Variants in AGPAT4 observed in about 807,000 individuals in gnomAD.
AGPAT4 encodes 1-acyl-sn-glycerol-3-phosphate acyltransferase delta.
AGPAT4 carries 15 observed loss-of-function variants against 48.0 expected under a neutral mutation model. The ratio of observed to expected loss-of-function variants is 0.31; its 90% CI spans 0.21 to 0.48. AGPAT4 has a LOEUF of 0.48. Among genes scored for constraint, AGPAT4 ranks in the 20% least tolerant of loss-of-function variants. The pLI, the probability that AGPAT4 is intolerant of heterozygous loss-of-function variation, is 0.99. For missense variants in AGPAT4, 314 were observed against 482.5 expected, an observed-to-expected ratio of 0.65 and a Z score of 3.27; for synonymous variants, 178 against 198.7, an observed-to-expected ratio of 0.90 and a Z score of 0.88.
At position 161,201,821 on chromosome 6, in the gene AGPAT4, C is replaced by T. The variant is rs1276583889; in HGVS notation, c.178+30215G>A. On this transcript the variant is annotated intron_variant, in intron 2 of 8. Transcript: ENST00000320285. The surrounding 1 kb of genome is among the most constrained non-coding windows in gnomAD (Gnocchi z 6.0). ...CTCTAACCAGTGCAAGAGGAAGTCC[C>T]ATTTCACAGACAATTAACTGTACTT... Among the ~76,000 whole-genome samples, 5 of 152,230 alleles carry T rather than the reference C, an allele frequency of 3.3e-5. No homozygotes were observed. The highest frequency in any genetic ancestry group is 5.9e-5 in the Non-Finnish European group (4 of 68,038).
At chr6:161,156,124 G>C (rs1779761461) in intron 3 of AGPAT4, among the ~76,000 whole-genome samples, 1 of 152,220 alleles carries the variant, frequency 6.6e-6, no homozygotes, top group African/African-American at 2.4e-5. Context: ...CCTGGGATGG[G>C]AGTCTCTATC....
chr6:161,189,519 C>T lies in AGPAT4; in HGVS notation c.179-23102G>A, dbSNP rs1033451488. On this transcript the variant is annotated intron_variant, in intron 2 of 8. Transcript: ENST00000320285. The surrounding 1 kb of genome is among the most constrained non-coding windows in gnomAD (Gnocchi z 5.3). ...TCACTTACTTACAACCTTAGTTGCCCGTCAGGACTATCCCTCCTCTGCACA... is the reference window on the plus strand; with the variant it reads ...TCACTTACTTACAACCTTAGTTGCCTGTCAGGACTATCCCTCCTCTGCACA... Among the ~76,000 whole-genome samples the T allele has an allele frequency of 7.9e-5, 12 of 152,200 alleles. No homozygotes were observed. The East Asian group carries it at 1.5e-3, about 20-fold the overall frequency.
At chr6:161,230,309 G>A (rs1051653059) in intron 2 of AGPAT4, among the ~76,000 whole-genome samples, 2 of 152,166 alleles carry the variant, frequency 1.3e-5, no homozygotes, top group African/African-American at 2.4e-5. Context: ...TAGGGGTTAT[G>A]ACAGTAGAAA....
intron 2 of AGPAT4, among the ~76,000 whole-genome samples, chr6:161,190,612 A>G (rs1288928992): frequency 6.6e-6 from 1 of 151,006 alleles, no homozygotes; most frequent in Non-Finnish European, 1.5e-5. Flanking sequence ...AAAGATCCTT[A>G]GACCTTAAGA....
chr6:161,273,761 G>T (rs1312925262), intron 1 of AGPAT4, among the ~76,000 whole-genome samples, 177 bp downstream of exon 1: 1 of 148,132 alleles, frequency 6.8e-6, no homozygotes, highest in Non-Finnish European at 1.5e-5. Context: ...CCCTCCAGGC[G>T]CCCCCTGCAC....
In AGPAT4 at chr6:161,262,836, G is replaced by A. The variant is rs912755132; in HGVS notation, c.-90+11102C>T. 7.9e-5 allele frequency among the ~76,000 whole-genome samples: 12 copies of A among 152,166 alleles called. No homozygotes were observed. The highest frequency in any genetic ancestry group is 6.5e-4 in the Admixed American group (10 of 15,284). On this transcript the variant is annotated intron_variant, in intron 1 of 8. Coordinates refer to ENST00000320285, the MANE Select transcript of AGPAT4 (RefSeq NM_020133.3). This position sits in a 1 kb window ranked among gnomAD's most constrained non-coding sequence, Gnocchi z 4.9. ...GAAAAAAACCTCTAGGAGAACATGA[G>A]GATAACGTCATAAACAGTGCTGATG...
intron 2 of AGPAT4, among the ~76,000 whole-genome samples, chr6:161,181,922 A>C (rs1247770972): frequency 2.0e-5 from 3 of 152,138 alleles, no homozygotes; most frequent in Non-Finnish European, 4.4e-5. Context: ...TTACTCTTTT[A>C]TGTGTAAAGC....
Position 161,197,400 on chromosome 6 carries a change from T to C in AGPAT4, c.179-30983A>G, listed in dbSNP as rs1280866106. On this transcript the variant is annotated intron_variant, in intron 2 of 8. Transcript: ENST00000320285. The surrounding 1 kb of genome is among the most constrained non-coding windows in gnomAD (Gnocchi z 5.7). ...TTATTTCTTAACATGTTATTCCATG[T>C]GGTCATGGTAAATATTTTCAACATC... Among the ~76,000 whole-genome samples, 5 of 152,170 alleles carry C rather than the reference T, an allele frequency of 3.3e-5. No individual in the cohort carries two copies. The highest frequency in any genetic ancestry group is 7.3e-5 in the Non-Finnish European group (5 of 68,028).
rs978942658 is a variant in AGPAT4, at chr6:161,272,462, G to A, written c.-90+1476C>T. On this transcript the variant is annotated intron_variant, in intron 1 of 8. Coordinates refer to ENST00000320285, the MANE Select transcript of AGPAT4 (RefSeq NM_020133.3). This position sits in a 1 kb window ranked among gnomAD's most constrained non-coding sequence, Gnocchi z 4.2. The stretch of plus-strand genomic sequence containing the variant: ...TCCCTTATCAAACGCTTCCTTAGAC[G>A]TACTGAATAAAAGCATCAGTTTAGC... Among the ~76,000 whole-genome samples, 9 of 152,034 alleles carry A rather than the reference G, an allele frequency of 5.9e-5. No homozygotes were observed. The highest frequency in any genetic ancestry group is 2.1e-4 in the South Asian group (1 of 4,818).
chr6:161,239,754 T>C (rs1365091942), intron 1 of AGPAT4, among the ~76,000 whole-genome samples: 11 of 152,244 alleles, frequency 7.2e-5, no homozygotes, highest in Non-Finnish European at 1.5e-5. Context: ...CTTTTTGTTT[T>C]TAATGATAAT....
chr6:161,161,701 C>A lies in AGPAT4; in HGVS notation c.348+4547G>T, dbSNP rs1779940895. The A allele has an allele frequency of 1.4e-5, 5 of 344,954 alleles. No homozygotes were observed. Among genetic ancestry groups the A allele is most frequent in the South Asian group, 1.1e-4 (5 of 45,112 alleles). The allele number at this position is 344,954 out of a possible 1,614,324, so 21.4% of individuals were successfully genotyped here. ...TGACAAGTGCATGTGTATGAAGAAG[C>A]TGGGGTAAAGGCGGTGAAATAATGC... On this transcript the variant is annotated intron_variant, in intron 3 of 8. Transcript: ENST00000320285. The surrounding 1 kb of genome is among the most constrained non-coding windows in gnomAD (Gnocchi z 4.6).
chr6:161,247,118 T>C (rs1234632535), intron 1 of AGPAT4, among the ~76,000 whole-genome samples: 1 of 152,222 alleles, frequency 6.6e-6, no homozygotes, highest in East Asian at 1.9e-4. Context: ...ATTACTCAAA[T>C]AAAAGCAAAT....
intron 2 of AGPAT4, among the ~76,000 whole-genome samples, chr6:161,168,445 C>T (rs7754843): frequency 0.28 from 42,829 of 151,856 alleles, 6,758 homozygotes; most frequent in African/African-American, 0.42. Context: ...CCCTACCCCA[C>T]TCACATGTTC....
intron 2 of AGPAT4, among the ~76,000 whole-genome samples, chr6:161,170,469 GCGCGCACACACACACACA>G (rs1472744493): frequency 4.1e-4 from 50 of 121,554 alleles, no homozygotes; most frequent in African/African-American, 1.4e-3. Flanking sequence ...ACACGTGCGC[GCGCGCACACACACACACA>G]CACACACACA....
rs181400054 is a variant in AGPAT4, at chr6:161,229,673, A to T, written c.178+2363T>A. On this transcript the variant is annotated intron_variant, in intron 2 of 8. Transcript: ENST00000320285. The surrounding 1 kb of genome is among the most constrained non-coding windows in gnomAD (Gnocchi z 6.0). ...GGCTTATCACCATGAGGTGCCCACG[A>T]GCCACCCAGGATCATCACCCTCCCT... is the stretch of plus-strand genomic sequence containing the variant. Among the ~76,000 whole-genome samples the T allele has an allele frequency of 1.3e-5, 2 of 152,222 alleles. No homozygotes were observed. Among genetic ancestry groups the T allele is most frequent in the Admixed American group, 1.3e-4 (2 of 15,286 alleles).
chr6:161,144,382 G>A lies in AGPAT4; in HGVS notation c.843+2142C>T, dbSNP rs1335143902. 1 of 351,740 alleles carries A rather than the reference G, an allele frequency of 2.8e-6. No individual in the cohort carries two copies. Among genetic ancestry groups the A allele is most frequent in the Non-Finnish European group, 5.7e-6 (1 of 175,810 alleles). The allele number at this position is 351,740 out of a possible 1,614,324, so 21.8% of individuals were successfully genotyped here. On this transcript the variant is annotated intron_variant, in intron 7 of 8. Coordinates refer to ENST00000320285, the MANE Select transcript of AGPAT4 (RefSeq NM_020133.3). The surrounding 1 kb of genome is among the most constrained non-coding windows in gnomAD (Gnocchi z 6.6). ...GAATTTCCTCATCAGTAGTGTAAGA[G>A]CTTTGGAGTAGATGATCACTTTGAG...
In AGPAT4 at chr6:161,206,077, A is replaced by C. The variant is rs919407383; in HGVS notation, c.178+25959T>G. Among the ~76,000 whole-genome samples, 7 of 152,128 alleles carry C rather than the reference A, an allele frequency of 4.6e-5. No homozygotes were observed. The highest frequency in any genetic ancestry group is 1.7e-4 in the African/African-American group (7 of 41,410). On this transcript the variant is annotated intron_variant, in intron 2 of 8. Coordinates refer to ENST00000320285, the MANE Select transcript of AGPAT4 (RefSeq NM_020133.3). This position sits in a 1 kb window ranked among gnomAD's most constrained non-coding sequence, Gnocchi z 4.8. ...TTTCAAGCCCGTGCGATGTAGACAA[A>C]AAAAGCCCCAAGAAAAGCCTGCTCC...
At chr6:161,253,134 A>G (rs1582911271) in intron 1 of AGPAT4, among the ~76,000 whole-genome samples, 1 of 143,204 alleles carries the variant, frequency 7.0e-6, no homozygotes. Flanking sequence ...AATCTCTTGA[A>G]CCCCGGAGGT....
rs529967682 is a variant in AGPAT4, at chr6:161,219,188, C to T, written c.178+12848G>A. Among the ~76,000 whole-genome samples the T allele has an allele frequency of 6.6e-6, 1 of 152,048 alleles. No homozygotes were observed. Among genetic ancestry groups the T allele is most frequent in the South Asian group, 2.1e-4 (1 of 4,812 alleles). On this transcript the variant is annotated intron_variant, in intron 2 of 8. Transcript: ENST00000320285. The surrounding 1 kb of genome is among the most constrained non-coding windows in gnomAD (Gnocchi z 4.9). The stretch of plus-strand genomic sequence containing the variant: ...AAGTGTGCTATATAAATTCTATCTC[C>T]AGTATGGTGAAACCAAAACCCATAG...
Sources: gnomAD v4.1 joint callset for allele counts (sites outside exome capture counted in the v4.1 genomes callset) on GRCh38, gnomAD v4.1.1 for gene constraint, Gnocchi (gnomAD v3.1) non-coding constraint, MANE v1.5 for transcripts, NCBI Gene and HGNC (gene_info 2026-07-23, HGNC 2026-07-21) for gene names.